Variants in PCDH11X observed in about 807,000 individuals in gnomAD.
PCDH11X encodes the protein protocadherin-11 X-linked.
PCDH11X carries 18 observed loss-of-function variants against 53.3 expected under a neutral mutation model. That is an observed-to-expected ratio of 0.34 (90% CI 0.23 to 0.50). The LOEUF is 0.50. Among genes scored for constraint, PCDH11X ranks in the 20% least tolerant of loss-of-function variants. The pLI, the probability that PCDH11X is intolerant of heterozygous loss-of-function variation, is 0.98. For missense variants in PCDH11X, 570 were observed against 1,032.4 expected (o/e 0.55, Z 6.14); for synonymous variants, 279 against 393.3 (o/e 0.71, Z 3.44).
chrX:92,361,242 CT>C (rs1489177684), intron 8 of PCDH11X, among the ~76,000 whole-genome samples: 3 of 109,285 alleles, frequency 2.7e-5, no homozygotes, highest in Admixed American at 2.0e-4. Context: ...TCAATTCCCC[CT>C]GTTTGCATCT....
intron 6 of PCDH11X, among the ~76,000 whole-genome samples, chrX:91,960,328 A>G (rs909287359): frequency 1.8e-5 from 2 of 111,041 alleles, no homozygotes; most frequent in Non-Finnish European, 3.8e-5. Flanking sequence ...TGGTGTCATA[A>G]AAAAAATCAT....
intron 6 of PCDH11X, among the ~76,000 whole-genome samples, chrX:91,933,919 A>T: frequency 9.1e-6 from 1 of 109,881 alleles, no homozygotes; most frequent in South Asian, 3.9e-4. Context: ...ATCACCCAAA[A>T]TAGGGTTTCT....
chrX:92,382,427 C>T (rs1172279329), intron 8 of PCDH11X, among the ~76,000 whole-genome samples: 1 of 111,259 alleles, frequency 9.0e-6, no homozygotes. Flanking sequence ...ACAGGGTCAC[C>T]TATCTGCATG....
intron 7 of PCDH11X, among the ~76,000 whole-genome samples, chrX:92,250,754 A>T (rs1009269825): frequency 1.6e-4 from 17 of 109,449 alleles, no homozygotes; most frequent in Admixed American, 8.9e-4. Context: ...GTCACAAAAG[A>T]CTACCTATTA....
intron 10 of PCDH11X, among the ~76,000 whole-genome samples, chrX:92,482,068 C>G (rs2073520300): frequency 9.9e-6 from 1 of 100,560 alleles, no homozygotes; most frequent in Non-Finnish European, 2.0e-5. Flanking sequence ...CAGCAGCTGT[C>G]AGGATCCCTC....
At chrX:91,931,466 T>C (rs2061383345) in intron 6 of PCDH11X, among the ~76,000 whole-genome samples, 1 of 111,038 alleles carries the variant, frequency 9.0e-6, no homozygotes, top group Non-Finnish European at 1.9e-5. Context: ...AGCCATCTTA[T>C]GAAGCAGGGA....
At chrX:92,291,565 T>C (rs1476672349) in intron 8 of PCDH11X, among the ~76,000 whole-genome samples, 1 of 97,364 alleles carries the variant, frequency 1.0e-5, no homozygotes, top group Non-Finnish European at 2.0e-5. Context: ...GTATGAGGTC[T>C]TAAGCTAGCA....
chrX:92,296,617 A>G (rs2068615124), intron 8 of PCDH11X, among the ~76,000 whole-genome samples: 1 of 110,902 alleles, frequency 9.0e-6, no homozygotes, highest in African/African-American at 3.3e-5. Context: ...CATGATACCT[A>G]TGTACCACAT....
At chrX:91,915,724 T>C (rs1941536495) in intron 6 of PCDH11X, among the ~76,000 whole-genome samples, 1 of 110,707 alleles carries the variant, frequency 9.0e-6, no homozygotes, top group Non-Finnish European at 1.9e-5. Flanking sequence ...GATAATGAGA[T>C]AGATGGCTAC....
In PCDH11X at chrX:91,984,096, T is replaced by C. The variant is rs2062191532; in HGVS notation, c.3033+104823T>C. 1.1e-4 allele frequency among the ~76,000 whole-genome samples: 10 copies of C among 93,729 alleles called. No individual in the cohort carries two copies. In the Admixed American group the frequency reaches 1.1e-3, roughly 11 times the overall value. 81.4% of individuals were successfully genotyped at this position (93,729 alleles called of 115,157 possible). ...TTCTTTAACCTTAGGATTATTATAG[T>C]ATTATTTTTAAATCAGGGGAGACTT... On this transcript the variant is annotated intron_variant, in intron 6 of 10. Transcript: ENST00000682573.
At chrX:91,888,271 C>T (rs1940324071) in intron 6 of PCDH11X, among the ~76,000 whole-genome samples, 1 of 111,611 alleles carries the variant, frequency 9.0e-6, no homozygotes, top group South Asian at 3.7e-4. Context: ...TACTTTATCC[C>T]TTATCCTAGA....
At chrX:92,253,641 T>C (rs899923846) in intron 7 of PCDH11X, among the ~76,000 whole-genome samples, 8 of 111,873 alleles carry the variant, frequency 7.2e-5, no homozygotes, top group African/African-American at 2.6e-4. Context: ...GCTTTTATTA[T>C]GGAGATCTTT....
At chrX:91,915,786 T>C (rs1941540265) in intron 6 of PCDH11X, among the ~76,000 whole-genome samples, 1 of 111,379 alleles carries the variant, frequency 9.0e-6, no homozygotes, top group South Asian at 3.7e-4. Flanking sequence ...AGACAGGTCA[T>C]CAAGGCAAAA....
At chrX:92,212,419 C>T (rs1396260428) in intron 7 of PCDH11X, among the ~76,000 whole-genome samples, 5 of 111,646 alleles carry the variant, frequency 4.5e-5, no homozygotes, top group Admixed American at 9.5e-5. Context: ...GGCACTATCT[C>T]GGTTCACTGC....
chrX:92,584,273 A>G (rs1924087324), intron 10 of PCDH11X, among the ~76,000 whole-genome samples: 1 of 110,863 alleles, frequency 9.0e-6, no homozygotes, highest in South Asian at 3.8e-4. Flanking sequence ...GAAATTATGA[A>G]TTTCTCAACA....
intron 6 of PCDH11X, among the ~76,000 whole-genome samples, chrX:92,054,386 C>A (rs2063409660): frequency 1.8e-5 from 2 of 111,500 alleles, no homozygotes; most frequent in Admixed American, 1.9e-4. Flanking sequence ...TTGTCAGAAT[C>A]CAACAAGATA....
intron 6 of PCDH11X, among the ~76,000 whole-genome samples, chrX:92,009,765 C>T (rs1271900037): frequency 1.1e-5 from 1 of 93,524 alleles, no homozygotes; most frequent in African/African-American, 4.1e-5. Flanking sequence ...TGCAGTGGTG[C>T]GATCTTGGCT....
chrX:92,286,364 A>G (rs1225183442), intron 8 of PCDH11X, among the ~76,000 whole-genome samples: 1 of 110,061 alleles, frequency 9.1e-6, no homozygotes, highest in Non-Finnish European at 1.9e-5. Flanking sequence ...GGGGTATTAA[A>G]GGTTAACAGA....
intron 7 of PCDH11X, among the ~76,000 whole-genome samples, chrX:92,235,151 AAG>A (rs1003590703): frequency 2.8e-5 from 3 of 106,102 alleles, no homozygotes; most frequent in Admixed American, 9.8e-5. Context: ...ATAAAAAAGA[AAG>A]AGAAATAAAA....
Sources: allele counts gnomAD v4.1 joint callset (sites outside exome capture counted in the v4.1 genomes callset), GRCh38; gene constraint gnomAD v4.1.1; transcripts MANE v1.5; gene names NCBI Gene and HGNC (gene_info 2026-07-23, HGNC 2026-07-21).